OSBPL6: variants seen among roughly 807,000 people sequenced by gnomAD.
OSBPL6 encodes oxysterol-binding protein-related protein 6.
In OSBPL6, 49 loss-of-function variants were observed where a neutral mutation model predicts 125.8. That is an observed-to-expected ratio of 0.39 (90% confidence interval 0.31 to 0.49). The LOEUF is 0.49. Ranked by LOEUF, OSBPL6 falls within the 20% of genes least tolerant of loss-of-function variation. The pLI, the probability that OSBPL6 is intolerant of heterozygous loss-of-function variation, is 0.88. For missense variants in OSBPL6, 986 were observed against 1,135.4 expected, an observed-to-expected ratio of 0.87 and a Z score of 1.89; for synonymous variants, 394 against 391.8, an observed-to-expected ratio of 1.01 and a Z score of -0.07.
At chr2:178,323,103 CT>C (rs1389870962) in intron 3 of OSBPL6, among the ~76,000 whole-genome samples, 1 of 152,046 alleles carries the variant, frequency 6.6e-6, no homozygotes, top group Non-Finnish European at 1.5e-5. Flanking sequence ...AAGGCATGTA[CT>C]TTTTTTCCCC....
chr2:178,304,568 C>T (rs1458686293), intron 2 of OSBPL6, among the ~76,000 whole-genome samples: 1 of 152,168 alleles, frequency 6.6e-6, no homozygotes, highest in Non-Finnish European at 1.5e-5. Context: ...GGTGGGAACA[C>T]AACCAAACCA....
chr2:178,387,568 T>G (rs1038408172), intron 20 of OSBPL6, among the ~76,000 whole-genome samples: 1 of 152,218 alleles, frequency 6.6e-6, no homozygotes, highest in Non-Finnish European at 1.5e-5. Context: ...ATTTTGAAAT[T>G]AATTGGAATT....
intron 1 of OSBPL6, among the ~76,000 whole-genome samples, chr2:178,201,021 C>G (rs2089229275): frequency 6.6e-6 from 1 of 152,000 alleles, no homozygotes; most frequent in Non-Finnish European, 1.5e-5. Context: ...GTCTTGATCT[C>G]CTGACCTTGT....
chr2:178,291,559 T>C (rs1461437853), intron 2 of OSBPL6, among the ~76,000 whole-genome samples: 1 of 152,198 alleles, frequency 6.6e-6, no homozygotes, highest in Non-Finnish European at 1.5e-5. Flanking sequence ...GGTTTTCTCT[T>C]CTTTGGTTTG....
chr2:178,274,358 C>T, intron 1 of OSBPL6, among the ~76,000 whole-genome samples: 1 of 150,434 alleles, frequency 6.6e-6, no homozygotes, highest in Non-Finnish European at 1.5e-5. Context: ...TGAGTCTTGG[C>T]TTTCAATAAA....
chr2:178,217,785 CAA>C (rs2090151789), intron 1 of OSBPL6, among the ~76,000 whole-genome samples: 1 of 152,102 alleles, frequency 6.6e-6, no homozygotes, highest in South Asian at 2.1e-4. Flanking sequence ...AGGTGGCTGA[CAA>C]AGAGAAGGGA....
At chr2:178,265,191 CTTTT>C (rs376718500) in intron 1 of OSBPL6, among the ~76,000 whole-genome samples, 407 of 33,480 alleles carry the variant, frequency 0.012, 1 homozygote, top group Non-Finnish European at 0.021. Context: ...CCAGACGAGA[CTTTT>C]TTTTTTTTTT....
chr2:178,246,604 C>G (rs979035783), intron 1 of OSBPL6, among the ~76,000 whole-genome samples: 2 of 152,138 alleles, frequency 1.3e-5, no homozygotes, highest in Non-Finnish European at 1.5e-5. Flanking sequence ...GTACCATGCC[C>G]AAAATAAAGC....
At chr2:178,392,054 A>C (rs1050377998) in intron 22 of OSBPL6, among the ~76,000 whole-genome samples, 3 of 152,208 alleles carry the variant, frequency 2.0e-5, no homozygotes, top group Admixed American at 2.0e-4. Flanking sequence ...AAAGGAAGCA[A>C]ACAAGTGTTT....
chr2:178,349,724 T>C (rs1691063575), intron 12 of OSBPL6, among the ~76,000 whole-genome samples: 2 of 152,380 alleles, frequency 1.3e-5, no homozygotes, highest in South Asian at 4.1e-4. Flanking sequence ...TCTCTTTAGA[T>C]TCTGTTTATT....
intron 1 of OSBPL6, among the ~76,000 whole-genome samples, chr2:178,276,103 G>A (rs1304453487): frequency 6.6e-6 from 1 of 152,088 alleles, no homozygotes; most frequent in East Asian, 1.9e-4. Flanking sequence ...TCCCCCTAGT[G>A]TATCAAGTAA....
In OSBPL6 at chr2:178,399,315, A is replaced by G. The variant is rs552615515; in HGVS notation, c.*3756A>G. ...GTTTAGAAATAATACTATCCAAAGT[A>G]GGATTCGGTCCTGTAAGTCCTAACT... On this transcript the variant is annotated 3_prime_UTR_variant, in exon 25 of 25. Coordinates refer to ENST00000190611, the MANE Select transcript of OSBPL6 (RefSeq NM_032523.4). 2 of 152,338 alleles carry G rather than the reference A, an allele frequency of 1.3e-5. No homozygotes were observed. The highest frequency in any genetic ancestry group is 4.8e-5 in the African/African-American group (2 of 41,580). 9.4% of individuals were successfully genotyped at this position (152,338 alleles called of 1,614,324 possible).
chr2:178,264,079 C>T lies in OSBPL6; in HGVS notation c.-350-20848C>T, dbSNP rs2092153484. Reference sequence around the variant, plus strand: ...AATGGGGCTGTGATATGGGACACTACCCTAACTTCCTTGGTGAATGTCAAT... The same window carrying T: ...AATGGGGCTGTGATATGGGACACTATCCTAACTTCCTTGGTGAATGTCAAT... On this transcript the variant is annotated intron_variant, in intron 1 of 24. Transcript: ENST00000190611. 1.3e-5 allele frequency among the ~76,000 whole-genome samples: 2 copies of T among 152,020 alleles called. 1 individual carries two copies. Among genetic ancestry groups the T allele is most frequent in the South Asian group, 4.2e-4 (2 of 4,806 alleles).
chr2:178,252,238 A>G (rs535103598), intron 1 of OSBPL6, among the ~76,000 whole-genome samples: 3 of 152,304 alleles, frequency 2.0e-5, no homozygotes, highest in African/African-American at 7.2e-5. Flanking sequence ...TACTGTTACT[A>G]ATCTTTGTAG....
chr2:178,262,011 GTTA>G (rs1050077447), intron 1 of OSBPL6, among the ~76,000 whole-genome samples: 2 of 152,050 alleles, frequency 1.3e-5, no homozygotes, highest in Non-Finnish European at 2.9e-5. Context: ...TAATGTTGCT[GTTA>G]TTATTATTTA....
At chr2:178,392,100 A>G (rs1695456521) in intron 22 of OSBPL6, among the ~76,000 whole-genome samples, 1 of 152,230 alleles carries the variant, frequency 6.6e-6, no homozygotes, top group Non-Finnish European at 1.5e-5. Flanking sequence ...TAATTGCCAT[A>G]GTATTTAGTT....
intron 1 of OSBPL6, among the ~76,000 whole-genome samples, chr2:178,242,721 C>G (rs1037137087): frequency 6.6e-6 from 1 of 152,160 alleles, no homozygotes; most frequent in Non-Finnish European, 1.5e-5. Context: ...TCTTGTAGTG[C>G]TTTTCAAAAT....
At chr2:178,300,026 A>G (rs1490957898) in intron 2 of OSBPL6, among the ~76,000 whole-genome samples, 1 of 152,252 alleles carries the variant, frequency 6.6e-6, no homozygotes, top group Admixed American at 6.5e-5. Context: ...CAAACTGTCA[A>G]TAACCCAAAC....
chr2:178,366,556 C>T lies in OSBPL6; in HGVS notation c.1287+4741C>T, dbSNP rs557167160. On this transcript the variant is annotated intron_variant, in intron 13 of 24. Transcript: ENST00000190611. Reference sequence around the variant, plus strand: ...AACACTGCTGTCAATTGAACTGACACGGTGCTTCAGAGGCGGTGAATGTGG... The same window carrying T: ...AACACTGCTGTCAATTGAACTGACATGGTGCTTCAGAGGCGGTGAATGTGG... Among the ~76,000 whole-genome samples, 10 of 152,246 alleles carry T rather than the reference C, an allele frequency of 6.6e-5. No individual in the cohort carries two copies. In the South Asian group the frequency reaches 1.0e-3, roughly 16 times the overall value.
Sources: allele counts gnomAD v4.1 joint callset (sites outside exome capture counted in the v4.1 genomes callset), GRCh38; gene constraint gnomAD v4.1.1; transcripts MANE v1.5; gene names NCBI Gene and HGNC (gene_info 2026-07-23, HGNC 2026-07-21).